The following VIPR1 variants were observed in gnomAD, a reference collection of about 807,000 sequenced individuals.
VIPR1 encodes the protein vasoactive intestinal polypeptide receptor 1.
A neutral mutation model predicts 58.8 loss-of-function variants in VIPR1; 59 were observed. The observed-to-expected ratio is 1.00, with a 90% CI of 0.81 to 1.25. The LOEUF is 1.25. Among genes scored for constraint, VIPR1 ranks in the 50% most tolerant of loss-of-function variants. VIPR1 has a pLI of 0.00. For synonymous variants in VIPR1, 251 were observed against 242.1 expected (o/e 1.04, Z -0.34); for missense variants, 626 against 602.7 (o/e 1.04, Z -0.40).
chr3:42,492,837 G>T (rs574198174), intron 1 of VIPR1, among the ~76,000 whole-genome samples: 1 of 152,220 alleles, frequency 6.6e-6, no homozygotes, highest in Admixed American at 6.5e-5. Context: ...GTACACAGGA[G>T]GCTGCGCCCT....
rs961522063 is a variant in VIPR1, at chr3:42,505,099, C to T, written c.78+2286C>T. ...GGGGGAGGAGGGTCACAGGCCTCCT[C>T]GTGGGAAATTCTCTATCTGGTGTGG... On this transcript the variant is annotated intron_variant, in intron 1 of 12. Transcript: ENST00000325123. Among the ~76,000 whole-genome samples, 7 of 151,950 alleles carry T rather than the reference C, an allele frequency of 4.6e-5. No individual in the cohort carries two copies. In the South Asian group the frequency reaches 1.0e-3, roughly 23 times the overall value.
intron 2 of VIPR1, among the ~76,000 whole-genome samples, chr3:42,517,575 G>A (rs1438669997): frequency 6.6e-6 from 1 of 152,226 alleles, no homozygotes; most frequent in Non-Finnish European, 1.5e-5. Flanking sequence ...GGCTGTGGCG[G>A]AGAATGCAGC....
At chr3:42,489,954 T>C (rs1297871533) in intron 1 of VIPR1, among the ~76,000 whole-genome samples, 1 of 151,954 alleles carries the variant, frequency 6.6e-6, no homozygotes, top group African/African-American at 2.4e-5. Flanking sequence ...GTCCAAGACC[T>C]CTCCTCCGAC....
In VIPR1 at chr3:42,511,503, G is replaced by A. The variant is rs141982521; in HGVS notation, c.79-2246G>A. 4.1e-3 allele frequency among the ~76,000 whole-genome samples: 619 copies of A among 152,316 alleles called. 3 individuals are homozygous for A. The highest frequency in any genetic ancestry group is 6.2e-3 in the Non-Finnish European group (419 of 68,028). ...CCATGAACTAGAGGTAGGGAAGGAGGTTGTTTCCCAGACACAGATGAGGAC... is the reference window on the plus strand; with the variant it reads ...CCATGAACTAGAGGTAGGGAAGGAGATTGTTTCCCAGACACAGATGAGGAC... On this transcript the variant is annotated intron_variant, in intron 1 of 12. Coordinates refer to ENST00000325123, the MANE Select transcript of VIPR1 (RefSeq NM_004624.4).
At chr3:42,495,855 A>C (rs1465530902) in intron 1 of VIPR1, among the ~76,000 whole-genome samples, 1 of 151,906 alleles carries the variant, frequency 6.6e-6, no homozygotes, top group African/African-American at 2.4e-5. Flanking sequence ...TAACAATGAA[A>C]ACTGAACAAC....
chr3:42,490,645 AG>A, intron 1 of VIPR1, among the ~76,000 whole-genome samples: 1 of 152,324 alleles, frequency 6.6e-6, no homozygotes, highest in African/African-American at 2.4e-5. Context: ...AACTGCCTCC[AG>A]GTACCCTAGA....
chr3:42,510,625 C>T (rs971586741), intron 1 of VIPR1, among the ~76,000 whole-genome samples: 4 of 152,156 alleles, frequency 2.6e-5, no homozygotes, highest in Admixed American at 6.5e-5. Context: ...TAGGTCCCAT[C>T]TGGGAATGCG....
At chr3:42,527,678 G>T (rs555437889) in intron 5 of VIPR1, 182 bp downstream of exon 5, 2 of 665,014 alleles carry the variant, frequency 3.0e-6, no homozygotes, top group South Asian at 3.7e-5. Context: ...GCTCTTCCAT[G>T]TGTTGCAGCC....
chr3:42,517,361 G>A (rs1700684927), intron 2 of VIPR1, among the ~76,000 whole-genome samples: 1 of 152,336 alleles, frequency 6.6e-6, no homozygotes, highest in Non-Finnish European at 1.5e-5. Context: ...TTGGCTCAGG[G>A]GTTGGGTTTT....
intron 6 of VIPR1, 127 bp from the exon 7 acceptor site, chr3:42,530,652 A>T: frequency 8.9e-7 from 1 of 1,121,334 alleles, no homozygotes; most frequent in Middle Eastern, 2.2e-4. Flanking sequence ...TTAAGGGGAT[A>T]ATGCAAAACA....
intron 3 of VIPR1, among the ~76,000 whole-genome samples, chr3:42,523,028 G>T (rs750694193): frequency 2.6e-5 from 4 of 152,060 alleles, no homozygotes; most frequent in African/African-American, 4.8e-5. Flanking sequence ...TCCCTCCCAC[G>T]GTGGAGCCCA....
intron 1 of VIPR1, chr3:42,506,326 C>T (rs1700120019): frequency 6.6e-6 from 1 of 152,204 alleles, no homozygotes; most frequent in African/African-American, 2.4e-5. Context: ...ATTGCTGGGC[C>T]CTTCACTGTG....
In VIPR1 at chr3:42,536,985, G is replaced by A. The variant is rs896062548; in HGVS notation, c.*704G>A. 2.0e-5 allele frequency: 3 copies of A among 152,220 alleles called. No homozygotes were observed. Among genetic ancestry groups the A allele is most frequent in the Non-Finnish European group, 4.4e-5 (3 of 68,054 alleles). The allele number at this position is 152,220 out of a possible 1,614,324, so 9.4% of individuals were successfully genotyped here. A position where few individuals can be genotyped will look rare whatever the true frequency, so the allele number is the denominator to read the frequency against. On this transcript the variant is annotated 3_prime_UTR_variant, in exon 13 of 13. Coordinates refer to ENST00000325123, the MANE Select transcript of VIPR1 (RefSeq NM_004624.4). ...AGGGACTCTGAAGCCTCTGGGAAAT[G>A]AGAAGGCAGCCACCAGCGAATGCTA...
chr3:42,490,970 G>C (rs1311885699), intron 1 of VIPR1, among the ~76,000 whole-genome samples: 1 of 152,170 alleles, frequency 6.6e-6, no homozygotes, highest in East Asian at 1.9e-4. Context: ...CCTGGTAAGC[G>C]CTCGGAACTA....
At chr3:42,504,378 TCCCC>T (rs1279917206) in intron 1 of VIPR1, among the ~76,000 whole-genome samples, 2 of 151,802 alleles carry the variant, frequency 1.3e-5, no homozygotes, top group African/African-American at 4.8e-5. Context: ...ATGCCTACCC[TCCCC>T]CTGTCTTTCC....
At chr3:42,516,653 G>A (rs1700642663) in intron 2 of VIPR1, 1 of 152,216 alleles carries the variant, frequency 6.6e-6, no homozygotes. Context: ...AGACACAATA[G>A]CCGGCCTACA....
chr3:42,491,206 T>A (rs1032435528), intron 1 of VIPR1, among the ~76,000 whole-genome samples: 1 of 152,150 alleles, frequency 6.6e-6, no homozygotes, highest in African/African-American at 2.4e-5. Context: ...AATGTGTGAA[T>A]CTCTGTATTT....
At chr3:42,494,984 T>C (rs1481123361) in intron 1 of VIPR1, among the ~76,000 whole-genome samples, 2 of 152,184 alleles carry the variant, frequency 1.3e-5, no homozygotes, top group East Asian at 3.8e-4. Flanking sequence ...ATTTCTGGTG[T>C]TTTAAAATTT....
intron 3 of VIPR1, among the ~76,000 whole-genome samples, chr3:42,524,803 A>T (rs1488453752): frequency 6.6e-6 from 1 of 152,122 alleles, no homozygotes; most frequent in Non-Finnish European, 1.5e-5. Flanking sequence ...AAGACTCTGG[A>T]GACCAAATCA....
Sources: allele counts gnomAD v4.1 joint callset (sites outside exome capture counted in the v4.1 genomes callset), GRCh38; gene constraint gnomAD v4.1.1; transcripts MANE v1.5; gene names NCBI Gene and HGNC (gene_info 2026-07-23, HGNC 2026-07-21).